CCPG1: variants seen among roughly 807,000 people sequenced by gnomAD.
CCPG1 encodes the protein cell cycle progression 1.
Under a neutral mutation model 81.3 loss-of-function variants are expected in CCPG1, and 46 were observed. The observed-to-expected ratio is 0.57, with a 90% CI of 0.45 to 0.72. The LOEUF is 0.72. CCPG1 is among the 30% of genes least tolerant of loss of function. The pLI, the probability that CCPG1 is intolerant of heterozygous loss-of-function variation, is 0.00. For synonymous variants in CCPG1, 330 were observed against 305.2 expected (o/e 1.08, Z -0.85); for missense variants, 902 against 937.6 (o/e 0.96, Z 0.50).
In CCPG1 at chr15:55,393,465, G is replaced by A. The variant is rs142346918; in HGVS notation, c.-9-4032C>T. On this transcript the variant is annotated intron_variant, in intron 1 of 8. Coordinates refer to ENST00000442196, the MANE Select transcript of CCPG1 (RefSeq NM_001204450.2). ...AAAAAAATGTTTTTTTTCAAGATAG[G>A]GAAGCAACTCAACAACCCTAGACCT... is the stretch of plus-strand genomic sequence containing the variant. 1.3e-3 allele frequency among the ~76,000 whole-genome samples: 204 copies of A among 152,110 alleles called. 2 individuals are homozygous for A. The highest frequency in any genetic ancestry group is 4.7e-3 in the African/African-American group (196 of 41,460).
intron 1 of CCPG1, chr15:55,407,839 C>T (rs1240925024): frequency 6.6e-6 from 1 of 152,406 alleles, no homozygotes; most frequent in Non-Finnish European, 1.5e-5. Context: ...ACGCACATAA[C>T]ATCTTACCAT....
At chr15:55,377,188 A>C in intron 4 of CCPG1, 38 bp from the exon 5 acceptor site, 1 of 1,428,874 alleles carries the variant, frequency 7.0e-7, no homozygotes. Flanking sequence ...AAGTTCAACA[A>C]TCATTTAAGG....
chr15:55,355,331 G>A lies in CCPG1; in HGVS notation c.*889C>T. ...TTCAAGCAATTATAAAAGAACTGCT[G>A]TTTTCTTCCACACTCACTTGCCAGA... On this transcript the variant is annotated 3_prime_UTR_variant, in exon 9 of 9. Transcript: ENST00000442196. The A allele has an allele frequency of 6.2e-7, 1 of 1,611,156 alleles. No individual in the cohort carries two copies. Among genetic ancestry groups the A allele is most frequent in the Non-Finnish European group, 8.5e-7 (1 of 1,177,758 alleles).
chr15:55,371,250 G>A (rs993865244), intron 6 of CCPG1, among the ~76,000 whole-genome samples: 1 of 152,134 alleles, frequency 6.6e-6, no homozygotes, highest in African/African-American at 2.4e-5. Context: ...TATATAAACA[G>A]TATCAATCAT....
chr15:55,371,724 G>A, intron 6 of CCPG1, 69 bp downstream of exon 6: 2 of 1,461,206 alleles, frequency 1.4e-6, no homozygotes, highest in Non-Finnish European at 1.9e-6. Flanking sequence ...CAGATCCCAA[G>A]AGTCCTCACT....
At chr15:55,391,055 T>C (rs1566979966) in intron 1 of CCPG1, among the ~76,000 whole-genome samples, 2 of 152,254 alleles carry the variant, frequency 1.3e-5, no homozygotes, top group Non-Finnish European at 2.9e-5. Context: ...AAATACCCTG[T>C]AGGATATTAA....
chr15:55,367,002 G>A (rs1400212847), intron 6 of CCPG1, among the ~76,000 whole-genome samples: 2 of 152,100 alleles, frequency 1.3e-5, no homozygotes, highest in African/African-American at 4.8e-5. Context: ...TTCCCTTACT[G>A]CTATAAAAAT....
intron 7 of CCPG1, among the ~76,000 whole-genome samples, chr15:55,364,558 C>T (rs1032419757): frequency 7.3e-5 from 11 of 150,698 alleles, no homozygotes; most frequent in African/African-American, 2.7e-4. Context: ...AATTAGCTCT[C>T]CCAAACAAAA....
intron 7 of CCPG1, among the ~76,000 whole-genome samples, chr15:55,361,921 C>T (rs1298138558): frequency 6.6e-6 from 1 of 152,068 alleles, no homozygotes; most frequent in African/African-American, 2.4e-5. Context: ...GAATCTTGAA[C>T]ATTTATAACT....
At chr15:55,357,313 C>T in intron 8 of CCPG1, 2 of 984,728 alleles carry the variant, frequency 2.0e-6, no homozygotes, top group Non-Finnish European at 2.4e-6. Context: ...ATCAATGTTA[C>T]TATTTTCCAA....
In CCPG1 at chr15:55,360,660, T is replaced by C; in HGVS notation, c.1113A>G (p.Gln371=). 1 of 1,614,166 alleles carries C rather than the reference T, an allele frequency of 6.2e-7. No individual in the cohort carries two copies. The highest frequency in any genetic ancestry group is 1.1e-5 in the South Asian group (1 of 91,066). Residue 371 remains glutamine, a synonymous_variant, in exon 8 of 9, where the codon CAA becomes CAG. Coordinates refer to ENST00000442196, the MANE Select transcript of CCPG1 (RefSeq NM_001204450.2). Reference sequence around the variant, plus strand: ...TTGCTTCTGTCAACAGAGTCTCCCTTTGACTAAGAAAGCTGTGTTTTTTCT... The same window carrying C: ...TTGCTTCTGTCAACAGAGTCTCCCTCTGACTAAGAAAGCTGTGTTTTTTCT... The part of the protein sequence containing the change: ...EKQKKHSFLS[Q]RETLLTEAKM...
intron 1 of CCPG1, among the ~76,000 whole-genome samples, chr15:55,402,032 A>G (rs2057139040): frequency 6.6e-6 from 1 of 152,052 alleles, no homozygotes; most frequent in Admixed American, 6.6e-5. Flanking sequence ...TCTCCCATGA[A>G]ATTTTCCTAG....
chr15:55,380,667 C>A (rs1001767863), intron 3 of CCPG1, among the ~76,000 whole-genome samples: 2 of 151,956 alleles, frequency 1.3e-5, no homozygotes, highest in African/African-American at 4.8e-5. Context: ...GCATTATATA[C>A]CCTCTAACAG....
intron 1 of CCPG1, among the ~76,000 whole-genome samples, chr15:55,392,472 C>T (rs999062903): frequency 4.0e-5 from 6 of 151,748 alleles, no homozygotes; most frequent in Non-Finnish European, 5.9e-5. Context: ...CCAACTCAGC[C>T]TCCCAAAGTG....
intron 3 of CCPG1, among the ~76,000 whole-genome samples, chr15:55,381,269 T>C (rs759552860): frequency 9.3e-5 from 13 of 139,286 alleles, no homozygotes; most frequent in Non-Finnish European, 1.9e-4. Context: ...CCCCCGTCTC[T>C]ACTAAAAATA....
intron 6 of CCPG1, among the ~76,000 whole-genome samples, chr15:55,368,215 AC>A (rs1227693557): frequency 6.6e-6 from 1 of 152,156 alleles, no homozygotes; most frequent in Non-Finnish European, 1.5e-5. Context: ...TCAAGGGATG[AC>A]TATAATAGCA....
intron 4 of CCPG1, among the ~76,000 whole-genome samples, chr15:55,377,672 C>T (rs1006730839): frequency 2.0e-5 from 3 of 152,166 alleles, no homozygotes; most frequent in Non-Finnish European, 4.4e-5. Context: ...AAGGGATCCT[C>T]CCCTAGGAAT....
At chr15:55,359,465 T>G in intron 8 of CCPG1, 74 bp downstream of exon 8, 8 of 1,509,234 alleles carry the variant, frequency 5.3e-6, no homozygotes, top group Non-Finnish European at 7.1e-6. Context: ...AAGAAACTCA[T>G]CAAATCATAA....
At chr15:55,400,293 G>A (rs1279623976) in intron 1 of CCPG1, among the ~76,000 whole-genome samples, 5 of 147,454 alleles carry the variant, frequency 3.4e-5, no homozygotes, top group African/African-American at 7.5e-5. Context: ...GGCGGATCAC[G>A]AGGTCATGAG....
Sources: allele counts gnomAD v4.1 joint callset (sites outside exome capture counted in the v4.1 genomes callset), GRCh38; gene constraint gnomAD v4.1.1; transcripts MANE v1.5; gene names NCBI Gene and HGNC (gene_info 2026-07-23, HGNC 2026-07-21).